Variants in MICAL3 observed in about 807,000 individuals in gnomAD.
MICAL3 encodes microtubule associated monooxygenase, calponin and LIM domain containing 3.
MICAL3 carries 62 observed loss-of-function variants against 207.4 expected under a neutral mutation model. That is an observed-to-expected ratio of 0.30 (90% CI 0.24 to 0.37). The LOEUF (loss-of-function observed/expected upper bound fraction) is 0.37, where lower values mean the gene tolerates loss of function less well. Ranked by LOEUF, MICAL3 falls within the 10% of genes least tolerant of loss-of-function variation. MICAL3 has a pLI of 1.00. For synonymous variants in MICAL3, 1,077 were observed against 1,069.3 expected (o/e 1.01, Z -0.14); for missense variants, 2,368 against 2,635.6 (o/e 0.90, Z 2.22).
intron 1 of MICAL3, among the ~76,000 whole-genome samples, chr22:17,973,296 T>C (rs1214981998): frequency 6.6e-6 from 1 of 152,090 alleles, no homozygotes; most frequent in Non-Finnish European, 1.5e-5. Flanking sequence ...ATGTTGTAGT[T>C]CAAAGGACAT....
In MICAL3 at chr22:17,818,819, C is replaced by T. The variant is rs778498904; in HGVS notation, c.3842G>A (p.Arg1281His). ...TGTTTTGGCCGGGGCAGGCTGGAAG[C>T]GTATGGGGGACTGGGTAGGGGATGG... ...TVPSPTQSPI[R>H]FQPAPAKTST... Residue 1281 changes from arginine (R) to histidine (H), a missense_variant, in exon 26 of 32, where the codon CGC becomes CAC. This residue lies in a region of MICAL3 where 1,770 missense variants were observed against 1,863.2 expected (regional missense o/e 0.95). Coordinates refer to ENST00000441493, the MANE Select transcript of MICAL3 (RefSeq NM_015241.3). 2.0e-5 allele frequency: 30 copies of T among 1,526,298 alleles called. No individual in the cohort carries two copies. The highest frequency in any genetic ancestry group is 1.8e-4 in the Middle Eastern group (1 of 5,680). The allele number at this position is 1,526,298 out of a possible 1,614,324, so 94.5% of individuals were successfully genotyped here.
At position 17,978,354 on chromosome 22, in the gene MICAL3, G is replaced by C. The variant is rs5992143; in HGVS notation, c.-75+45927C>G. 5.0e-3 allele frequency among the ~76,000 whole-genome samples: 767 copies of C among 152,304 alleles called. 7 individuals carry two copies. Among genetic ancestry groups the C allele is most frequent in the African/African-American group, 0.017 (726 of 41,564 alleles). On this transcript the variant is annotated intron_variant, in intron 1 of 31. Transcript: ENST00000441493. ...TTCAGAATAGCAAATCAGAAAGAAA[G>C]TAGATGAGTAGTTGGCCATGGCTCA...
At chr22:17,904,585 G>A (rs556037965) in intron 3 of MICAL3, 47 bp downstream of exon 3, 11 of 1,405,638 alleles carry the variant, frequency 7.8e-6, no homozygotes, top group South Asian at 6.9e-5. Context: ...CTGAACAAGC[G>A]TGCAAGGGGT....
intron 1 of MICAL3, among the ~76,000 whole-genome samples, chr22:17,956,591 C>A (rs1230243579): frequency 6.6e-6 from 1 of 152,150 alleles, no homozygotes; most frequent in Non-Finnish European, 1.5e-5. Context: ...ATTGCTTGAA[C>A]CTGGGAGGCA....
intron 1 of MICAL3, among the ~76,000 whole-genome samples, chr22:17,947,338 G>C (rs1934122786): frequency 6.6e-6 from 1 of 152,166 alleles, no homozygotes; most frequent in Non-Finnish European, 1.5e-5. Flanking sequence ...AGGTAACTGG[G>C]ACAAGGAAAT....
chr22:17,818,389 G>A lies in MICAL3; in HGVS notation c.4272C>T (p.Ser1424=). The change falls in exon 26 of 32, where the codon AGC becomes AGT. Residue 1424 remains serine, a synonymous_variant. Transcript: ENST00000441493. ...TCCCGTGCAGGCCCAGGCCAGAGCT[G>A]CTGGACAGCTCCCTGCGCTCCTCCT... ...SAQEERRELS[S]SSGLGLHGSS... 1 of 1,609,912 alleles carries A rather than the reference G, an allele frequency of 6.2e-7. No homozygotes were observed. Among genetic ancestry groups the A allele is most frequent in the Non-Finnish European group, 8.5e-7 (1 of 1,179,460 alleles).
chr22:17,997,723 T>G (rs1922450998), intron 1 of MICAL3, among the ~76,000 whole-genome samples: 1 of 152,152 alleles, frequency 6.6e-6, no homozygotes, highest in Admixed American at 6.5e-5. Context: ...TCCCTTGACC[T>G]AGGACCTCAC....
intron 29 of MICAL3, among the ~76,000 whole-genome samples, chr22:17,795,869 T>C (rs1169193568): frequency 8.2e-6 from 1 of 122,202 alleles, no homozygotes; most frequent in African/African-American, 3.3e-5. Context: ...GAGTTCCACC[T>C]GACTGGAACC....
At chr22:17,955,663 C>A (rs934150933) in intron 1 of MICAL3, among the ~76,000 whole-genome samples, 1 of 152,238 alleles carries the variant, frequency 6.6e-6, no homozygotes, top group Non-Finnish European at 1.5e-5. Flanking sequence ...TTAACACTTT[C>A]TCAAGCCGAT....
intron 1 of MICAL3, among the ~76,000 whole-genome samples, chr22:17,917,917 C>A (rs1209607674): frequency 6.6e-6 from 1 of 152,202 alleles, no homozygotes; most frequent in Admixed American, 6.5e-5. Context: ...GAGGTAAGCC[C>A]AGCTATGAGA....
In MICAL3 at chr22:17,977,264, T is replaced by C. The variant is rs149125334; in HGVS notation, c.-75+47017A>G. On this transcript the variant is annotated intron_variant, in intron 1 of 31. Transcript: ENST00000441493. ...AGAAAGTGAAAACACACCTACAGAA[T>C]AGGGAAAAATATCTGCAAATCAGGT... 4.4e-3 allele frequency among the ~76,000 whole-genome samples: 676 copies of C among 152,144 alleles called. 5 individuals are homozygous for C. Among genetic ancestry groups the C allele is most frequent in the African/African-American group, 0.015 (638 of 41,498 alleles).
At chr22:17,832,148 G>C (rs1231651825) in intron 20 of MICAL3, 41 bp from the exon 21 acceptor site, 3 of 1,545,974 alleles carry the variant, frequency 1.9e-6, no homozygotes, top group Non-Finnish European at 2.6e-6. Context: ...AGGGAATGAA[G>C]AAAAACTGAG....
chr22:17,861,371 A>C, intron 19 of MICAL3: 1 of 985,466 alleles, frequency 1.0e-6, no homozygotes, highest in Non-Finnish European at 1.2e-6. Flanking sequence ...CATCTTTTCC[A>C]TAAGATGACA....
chr22:17,976,604 T>TGAGACAGAG (rs1935666379), intron 1 of MICAL3, among the ~76,000 whole-genome samples: 1 of 138,836 alleles, frequency 7.2e-6, no homozygotes, highest in South Asian at 2.3e-4. Context: ...TTTTTTTTTT[T>TGAGACAGAG]TTTGAGACAG....
At position 17,977,082 on chromosome 22, in the gene MICAL3, G is replaced by A. The variant is rs536019296; in HGVS notation, c.-75+47199C>T. Among the ~76,000 whole-genome samples the A allele has an allele frequency of 1.2e-4, 19 of 152,260 alleles. No individual in the cohort carries two copies. In the South Asian group the frequency reaches 3.5e-3, roughly 28 times the overall value. The stretch of plus-strand genomic sequence containing the variant: ...CCTCCCAAAGTGCTGGGATTACGGC[G>A]TGAGCCACCACGCCCGGCAGAGACT... On this transcript the variant is annotated intron_variant, in intron 1 of 31. Transcript: ENST00000441493.
At chr22:17,980,857 C>T (rs1212343123) in intron 1 of MICAL3, 1 of 526,090 alleles carries the variant, frequency 1.9e-6, no homozygotes, top group Non-Finnish European at 3.9e-6. Flanking sequence ...CCCTCAGTTC[C>T]TGCTCAACTG....
intron 27 of MICAL3, chr22:17,813,992 C>A (rs1401172881): frequency 6.6e-6 from 1 of 152,202 alleles, no homozygotes; most frequent in South Asian, 2.1e-4. Context: ...CTATAATAAA[C>A]ATTTTAAATA....
chr22:17,985,624 C>G (rs904265487), intron 1 of MICAL3, among the ~76,000 whole-genome samples: 12 of 152,096 alleles, frequency 7.9e-5, no homozygotes, highest in African/African-American at 2.9e-4. Flanking sequence ...ATTCTATATT[C>G]AAATTTTATT....
chr22:17,858,779 A>C (rs1168617914), intron 19 of MICAL3, among the ~76,000 whole-genome samples: 1 of 152,378 alleles, frequency 6.6e-6, no homozygotes, highest in South Asian at 2.1e-4. Context: ...GCAGCACAGA[A>C]TCACGTTGGG....
Sources: gnomAD v4.1 joint callset for allele counts (sites outside exome capture counted in the v4.1 genomes callset) on GRCh38, gnomAD v4.1.1 for gene constraint, gnomAD v4.1.1 regional missense constraint, MANE v1.5 for transcripts, NCBI Gene and HGNC (gene_info 2026-07-23, HGNC 2026-07-21) for gene names.